The following ARHGAP19 variants were observed in gnomAD, a reference collection of about 807,000 sequenced individuals.
ARHGAP19 encodes the protein Rho GTPase activating protein 19.
ARHGAP19 carries 48 observed loss-of-function variants against 60.9 expected under a neutral mutation model. That is an observed-to-expected ratio of 0.79 (90% CI 0.62 to 1.00). ARHGAP19 has a LOEUF of 1.00. ARHGAP19 is among the 50% of genes least tolerant of loss of function. ARHGAP19 has a pLI of 0.00. For synonymous variants in ARHGAP19, 209 were observed against 215.5 expected, an observed-to-expected ratio of 0.97 and a Z score of 0.27; for missense variants, 562 against 597.2, an observed-to-expected ratio of 0.94 and a Z score of 0.61.
At position 97,246,313 on chromosome 10, in the gene ARHGAP19, C is replaced by T. The variant is rs1842562827; in HGVS notation, c.952G>A (p.Ala318Thr). Residue 318 changes from alanine to threonine, a missense_variant, in exon 7 of 12, where the codon GCG becomes ACG. Coordinates refer to ENST00000358531, the MANE Select transcript of ARHGAP19 (RefSeq NM_032900.6). ...CTGGATCCCAAATAGTGCAATCTCG[C>T]ACACTCCCGAATGTAAGCAGGAGCC... ...FKAPAYIRECARLHYLGSRTQ... is the reference protein window; with the variant it reads ...FKAPAYIRECTRLHYLGSRTQ... 1.9e-6 allele frequency: 3 copies of T among 1,613,896 alleles called. No individual in the cohort carries two copies. The highest frequency in any genetic ancestry group is 2.5e-6 in the Non-Finnish European group (3 of 1,179,914).
chr10:97,226,180 C>T (rs1850891553), intron 11 of ARHGAP19, 48 bp from the exon 12 acceptor site: 1 of 1,603,432 alleles, frequency 6.2e-7, no homozygotes, highest in Non-Finnish European at 8.5e-7. Flanking sequence ...TTAAATATTT[C>T]TTTTTGCAAA....
intron 6 of ARHGAP19, among the ~76,000 whole-genome samples, chr10:97,253,556 T>A (rs1842717389): frequency 6.6e-6 from 1 of 151,896 alleles, no homozygotes; most frequent in Non-Finnish European, 1.5e-5. Flanking sequence ...ATAGAAGAAA[T>A]ATGTTCTAAC....
chr10:97,264,857 C>G lies in ARHGAP19; in HGVS notation c.372G>C (p.Gln124His). 1 of 1,612,526 alleles carries G rather than the reference C, an allele frequency of 6.2e-7. No individual in the cohort carries two copies. Among genetic ancestry groups the G allele is most frequent in the African/African-American group, 1.3e-5 (1 of 74,778 alleles). ...GTAGATACTCAATCAGTTGGTATAT[C>G]TGGGCAATGCCTTCCTCCGTCAGTG... ...GSPLTEEGIAQIYQLIEYLHK... is the reference protein window; with the variant it reads ...GSPLTEEGIAHIYQLIEYLHK... The change falls in exon 3 of 12, where the codon CAG (glutamine) becomes CAC (histidine). Residue 124 changes from glutamine (Q) to histidine (H), a missense_variant. By Grantham distance (24) the Gln-to-His change is conservative. Coordinates refer to ENST00000358531, the MANE Select transcript of ARHGAP19 (RefSeq NM_032900.6).
intron 3 of ARHGAP19, among the ~76,000 whole-genome samples, chr10:97,264,223 G>A (rs1346258003): frequency 2.6e-5 from 4 of 152,114 alleles, no homozygotes; most frequent in Admixed American, 1.3e-4. Flanking sequence ...AGGCCTAGGC[G>A]GATGAATCAC....
chr10:97,253,488 T>C (rs966282223), intron 6 of ARHGAP19, among the ~76,000 whole-genome samples: 5 of 151,952 alleles, frequency 3.3e-5, no homozygotes, highest in East Asian at 1.9e-4. Flanking sequence ...GATGCTGGGA[T>C]AGGTGTTAGG....
chr10:97,276,865 G>A (rs1476056545), intron 1 of ARHGAP19, among the ~76,000 whole-genome samples: 1 of 9,770 alleles, frequency 1.0e-4, no homozygotes, highest in African/African-American at 1.3e-4. Context: ...CAGCCGCCCC[G>A]TCCGGGAGGT....
At chr10:97,281,219 CAAAAAAAA>C (rs56674405) in intron 1 of ARHGAP19, among the ~76,000 whole-genome samples, 4,354 of 131,734 alleles carry the variant, frequency 0.033, 219 homozygotes, top group African/African-American at 0.12. Context: ...TCTGTCACTA[CAAAAAAAA>C]AAAAAAAAAA....
At chr10:97,258,602 A>G (rs919771924) in intron 5 of ARHGAP19, 2 of 153,018 alleles carry the variant, frequency 1.3e-5, no homozygotes, top group African/African-American at 2.4e-5. Flanking sequence ...ATCCTGGCTC[A>G]CAACTCCATC....
intron 1 of ARHGAP19, among the ~76,000 whole-genome samples, chr10:97,287,984 C>A (rs1843177251): frequency 6.6e-6 from 1 of 152,080 alleles, no homozygotes; most frequent in Non-Finnish European, 1.5e-5. Flanking sequence ...ATCTTTTGAA[C>A]CCAGGAGGTG....
rs1850863839 is a variant in ARHGAP19, at chr10:97,224,714, AGGGTGAGAAGG to A, written c.*1397_*1407del. On this transcript the variant is annotated 3_prime_UTR_variant, in exon 12 of 12. Transcript: ENST00000358531. ...GTGGCCTGACTCGGCTCCAACCCAC[AGGGTGAGAAGG>A]GTTGTACAGCTCCACAGAGCCAGGC... 1 of 152,256 alleles carries A rather than the reference AGGGTGAGAAGG, an allele frequency of 6.6e-6. No individual in the cohort carries two copies. Among genetic ancestry groups the A allele is most frequent in the Non-Finnish European group, 1.5e-5 (1 of 68,074 alleles). The allele number at this position is 152,256 out of a possible 1,614,324, so 9.4% of individuals were successfully genotyped here.
intron 9 of ARHGAP19, among the ~76,000 whole-genome samples, chr10:97,231,098 CAT>C (rs1851006785): frequency 9.4e-6 from 1 of 106,428 alleles, no homozygotes; most frequent in Non-Finnish European, 1.9e-5. Flanking sequence ...AAGACTAACA[CAT>C]AGAGGAACAT....
chr10:97,241,192 G>A (rs188062715), intron 8 of ARHGAP19, among the ~76,000 whole-genome samples: 5 of 151,988 alleles, frequency 3.3e-5, no homozygotes, highest in Non-Finnish European at 7.4e-5. Flanking sequence ...GCATGGTGGC[G>A]CATGCCTGTA....
chr10:97,280,744 C>A (rs1258258690), intron 1 of ARHGAP19, among the ~76,000 whole-genome samples: 1 of 152,088 alleles, frequency 6.6e-6, no homozygotes, highest in East Asian at 1.9e-4. Context: ...GTGTGTGCCA[C>A]CACACCTGGC....
At chr10:97,229,261 C>G in intron 10 of ARHGAP19, 36 bp from the exon 11 acceptor site, 1 of 1,497,444 alleles carries the variant, frequency 6.7e-7, no homozygotes, top group Non-Finnish European at 9.3e-7. Context: ...TTTCAATGTT[C>G]TAATGCCATT....
In ARHGAP19 at chr10:97,265,929, G is replaced by A. The variant is rs1407173427; in HGVS notation, c.253C>T (p.Leu85Phe). 6.2e-7 allele frequency: 1 copy of A among 1,613,950 alleles called. No homozygotes were observed. Among genetic ancestry groups the A allele is most frequent in the African/African-American group, 1.3e-5 (1 of 74,872 alleles). Residue 85 changes from leucine to phenylalanine, a missense_variant, in exon 2 of 12, where the codon CTT becomes TTT. Coordinates refer to ENST00000358531, the MANE Select transcript of ARHGAP19 (RefSeq NM_032900.6). ...ELAQLMGEVD[L>F]KLPGGAGPAS... ...GGGCCAGCCCCGCCAGGCAACTTAAGGTCCACTTCCCCCATCAGCTGAGCC... is the reference window on the plus strand; with the variant it reads ...GGGCCAGCCCCGCCAGGCAACTTAAAGTCCACTTCCCCCATCAGCTGAGCC...
intron 6 of ARHGAP19, among the ~76,000 whole-genome samples, chr10:97,252,317 A>C (rs1378971514): frequency 6.9e-6 from 1 of 144,310 alleles, no homozygotes; most frequent in Admixed American, 7.1e-5. Flanking sequence ...ACAGAATGAG[A>C]CTGTCTCAAA....
intron 11 of ARHGAP19, 88 bp from the exon 12 acceptor site, chr10:97,226,220 C>T: frequency 7.4e-7 from 1 of 1,359,212 alleles, no homozygotes. Context: ...AGGGTCTACA[C>T]TTAATATTTT....
chr10:97,282,839 C>CTTTT (rs56387291), intron 1 of ARHGAP19, among the ~76,000 whole-genome samples: 4 of 90,988 alleles, frequency 4.4e-5, no homozygotes, highest in Non-Finnish European at 6.8e-5. Flanking sequence ...TTTCTTTTTT[C>CTTTT]TTTTTTTTTT....
intron 1 of ARHGAP19, among the ~76,000 whole-genome samples, chr10:97,289,225 C>T (rs1043016748): frequency 6.6e-6 from 1 of 151,924 alleles, no homozygotes; most frequent in African/African-American, 2.4e-5. Flanking sequence ...AGCGATTCTC[C>T]TGTCTCAGCC....
Sources: allele counts gnomAD v4.1 joint callset (sites outside exome capture counted in the v4.1 genomes callset), GRCh38; gene constraint gnomAD v4.1.1; transcripts MANE v1.5; gene names NCBI Gene and HGNC (gene_info 2026-07-23, HGNC 2026-07-21).